Variants in FHIT observed in about 807,000 individuals in gnomAD.
The protein encoded by FHIT is fragile histidine triad diadenosine triphosphatase.
FHIT carries 19 observed loss-of-function variants against 17.9 expected under a neutral mutation model. The observed-to-expected ratio is 1.06, with a 90% CI of 0.74 to 1.56. The LOEUF (loss-of-function observed/expected upper bound fraction) is 1.56. Among genes scored for constraint, FHIT ranks in the 40% most tolerant of loss-of-function variants. FHIT has a pLI of 0.00. For synonymous variants in FHIT, 81 were observed against 69.7 expected (o/e 1.16, Z -0.81); for missense variants, 248 against 189.2 (o/e 1.31, Z -1.82).
At chr3:60,693,183 C>T (rs1553699862) in intron 4 of FHIT, among the ~76,000 whole-genome samples, 2 of 152,210 alleles carry the variant, frequency 1.3e-5, no homozygotes, top group African/African-American at 4.8e-5. Context: ...AATTTAATTT[C>T]ATTCATTCTT....
At chr3:60,018,780 C>A (rs997388802) in intron 5 of FHIT, among the ~76,000 whole-genome samples, 2 of 152,064 alleles carry the variant, frequency 1.3e-5, no homozygotes, top group Non-Finnish European at 2.9e-5. Context: ...CAGTTCAAGA[C>A]CAGCCTGGCC....
intron 7 of FHIT, among the ~76,000 whole-genome samples, chr3:59,967,956 G>A (rs1660725588): frequency 6.6e-6 from 1 of 152,096 alleles, no homozygotes; most frequent in African/African-American, 2.4e-5. Flanking sequence ...ATATCTGCAA[G>A]TTATATGACA....
At chr3:60,382,459 G>T (rs1395649970) in intron 5 of FHIT, among the ~76,000 whole-genome samples, 1 of 152,162 alleles carries the variant, frequency 6.6e-6, no homozygotes, top group African/African-American at 2.4e-5. Context: ...ATCACAATCT[G>T]GGTCTAATCT....
intron 4 of FHIT, among the ~76,000 whole-genome samples, chr3:60,770,345 T>C (rs1351883657): frequency 6.6e-6 from 1 of 152,194 alleles, no homozygotes; most frequent in Non-Finnish European, 1.5e-5. Context: ...CTCGCGTGGC[T>C]GCCCAATATC....
intron 5 of FHIT, among the ~76,000 whole-genome samples, chr3:60,091,544 G>C (rs1559623841): frequency 6.6e-6 from 1 of 152,056 alleles, no homozygotes; most frequent in African/African-American, 2.4e-5. Flanking sequence ...TGTTTGGTGG[G>C]TTTACTGTAT....
intron 2 of FHIT, among the ~76,000 whole-genome samples, chr3:61,099,819 G>C (rs997830263): frequency 2.2e-4 from 33 of 151,548 alleles, no homozygotes; most frequent in African/African-American, 7.5e-4. Context: ...TTCTTTATTA[G>C]TCTAGCTAGT....
At chr3:60,451,999 T>C (rs1206508262) in intron 5 of FHIT, among the ~76,000 whole-genome samples, 1 of 152,186 alleles carries the variant, frequency 6.6e-6, no homozygotes, top group Non-Finnish European at 1.5e-5. Context: ...CTCCAATTGA[T>C]GTCTCAAGAC....
At chr3:61,102,584 G>A (rs912051786) in intron 2 of FHIT, among the ~76,000 whole-genome samples, 3 of 152,170 alleles carry the variant, frequency 2.0e-5, no homozygotes, top group African/African-American at 7.2e-5. Flanking sequence ...GAGTTAGGGA[G>A]GATTCCCTCT....
intron 5 of FHIT, among the ~76,000 whole-genome samples, chr3:60,049,958 T>G (rs1018944206): frequency 6.6e-6 from 1 of 152,230 alleles, no homozygotes; most frequent in Non-Finnish European, 1.5e-5. Flanking sequence ...ATACTTATTA[T>G]GATCTTTCTT....
chr3:60,932,141 G>C (rs1707985714), intron 3 of FHIT, among the ~76,000 whole-genome samples: 1 of 152,168 alleles, frequency 6.6e-6, no homozygotes, highest in Non-Finnish European at 1.5e-5. Flanking sequence ...CTCTGATGAA[G>C]AACAAGTAAA....
chr3:60,986,696 G>C (rs1710732227), intron 3 of FHIT, among the ~76,000 whole-genome samples: 1 of 152,096 alleles, frequency 6.6e-6, no homozygotes, highest in African/African-American at 2.4e-5. Context: ...TCTACCTCAT[G>C]GGCTCTGGAT....
intron 3 of FHIT, among the ~76,000 whole-genome samples, chr3:60,895,668 T>TCC (rs1553761724): frequency 0.15 from 2,336 of 15,512 alleles, 85 homozygotes; most frequent in African/African-American, 0.26. Flanking sequence ...CTTCCTTCCT[T>TCC]TCTTTCTTTC....
Position 60,521,464 on chromosome 3 carries a change from G to T in FHIT, c.103+15396C>A, listed in dbSNP as rs569538317. Among the ~76,000 whole-genome samples the T allele has an allele frequency of 7.2e-5, 11 of 152,204 alleles. No individual in the cohort carries two copies. The South Asian group carries it at 8.3e-4, about 11-fold the overall frequency. ...GGGTTTCACCGTGTTAGCCAGGATGGTCTCGATCTGCTGACTTCGTGATCC... is the reference window on the plus strand; with the variant it reads ...GGGTTTCACCGTGTTAGCCAGGATGTTCTCGATCTGCTGACTTCGTGATCC... On this transcript the variant is annotated intron_variant, in intron 5 of 9. Coordinates refer to ENST00000492590, the MANE Select transcript of FHIT (RefSeq NM_002012.4).
intron 8 of FHIT, among the ~76,000 whole-genome samples, chr3:59,895,318 G>A (rs1311366387): frequency 1.3e-5 from 2 of 152,222 alleles, no homozygotes; most frequent in Non-Finnish European, 2.9e-5. Context: ...TCAGTGCCTA[G>A]CACAGTTCCC....
At chr3:60,460,406 T>C (rs138143972) in intron 5 of FHIT, among the ~76,000 whole-genome samples, 33 of 152,202 alleles carry the variant, frequency 2.2e-4, no homozygotes, top group Admixed American at 5.2e-4. Flanking sequence ...AATTTGCTTT[T>C]ATATTGGTTA....
chr3:61,093,067 G>A (rs1474855051), intron 2 of FHIT, among the ~76,000 whole-genome samples: 2 of 152,190 alleles, frequency 1.3e-5, no homozygotes, highest in African/African-American at 2.4e-5. Flanking sequence ...CTTAGCAGCT[G>A]TGTGACTCTA....
chr3:60,765,562 A>C (rs1553721202), intron 4 of FHIT: 1 of 152,222 alleles, frequency 6.6e-6, no homozygotes, highest in Non-Finnish European at 1.5e-5. Context: ...CAGTCACGGT[A>C]CCTTGTCACA....
intron 3 of FHIT, among the ~76,000 whole-genome samples, chr3:60,931,221 G>C (rs1278578207): frequency 1.3e-5 from 2 of 151,928 alleles, no homozygotes; most frequent in Non-Finnish European, 2.9e-5. Flanking sequence ...TTGTGGGGTG[G>C]GGGGAGTGGG....
At chr3:60,162,162 A>T (rs932291505) in intron 5 of FHIT, among the ~76,000 whole-genome samples, 3 of 152,184 alleles carry the variant, frequency 2.0e-5, no homozygotes, top group Non-Finnish European at 4.4e-5. Context: ...TGCTATTACT[A>T]TACATAGGAA....
Sources: gnomAD v4.1 joint callset for allele counts (sites outside exome capture counted in the v4.1 genomes callset) on GRCh38, gnomAD v4.1.1 for gene constraint, MANE v1.5 for transcripts, NCBI Gene and HGNC (gene_info 2026-07-23, HGNC 2026-07-21) for gene names.